Variants in ULK4 observed in about 807,000 individuals in gnomAD.
ULK4 encodes the protein unc-51 like kinase 4, also known as inactive serine/threonine-protein kinase ULK4.
Under a neutral mutation model 160.6 loss-of-function variants are expected in ULK4, and 133 were observed. The ratio of observed to expected loss-of-function variants is 0.83; its 90% CI spans 0.72 to 0.96. The LOEUF (loss-of-function observed/expected upper bound fraction) is 0.96, where lower values mean the gene tolerates loss of function less well. ULK4 is among the 40% of genes least tolerant of loss of function. The pLI is 0.00. For synonymous variants in ULK4, 534 were observed against 539.8 expected (o/e 0.99, Z 0.15); for missense variants, 1,580 against 1,499.5 (o/e 1.05, Z -0.89).
At chr3:41,581,574 T>C (rs1044457950) in intron 31 of ULK4, among the ~76,000 whole-genome samples, 2 of 152,154 alleles carry the variant, frequency 1.3e-5, no homozygotes, top group African/African-American at 2.4e-5. Flanking sequence ...AAAAAAATAA[T>C]CTCCACTGCA....
intron 18 of ULK4, among the ~76,000 whole-genome samples, chr3:41,830,835 G>A (rs9812605): frequency 0.059 from 8,966 of 151,540 alleles, 481 homozygotes; most frequent in East Asian, 0.17. Flanking sequence ...TTATTTTCTC[G>A]GGGGGTATAC....
rs1028109139 is a variant in ULK4 at position 41,603,371 on chromosome 3, G to C, written c.3120+12298C>G. ...AAACTGGGAGAGAGACAAGACAGGA[G>C]AAACAAATAACTCCACAATTATAGT... On this transcript the variant is annotated intron_variant, in intron 31 of 36. Coordinates refer to ENST00000301831, the MANE Select transcript of ULK4 (RefSeq NM_017886.4). Among the ~76,000 whole-genome samples, 13 of 152,134 alleles carry C rather than the reference G, an allele frequency of 8.5e-5. No homozygotes were observed. In the South Asian group the frequency reaches 2.1e-3, roughly 24 times the overall value.
intron 17 of ULK4, among the ~76,000 whole-genome samples, chr3:41,877,153 A>G (rs921755344): frequency 2.0e-5 from 3 of 152,196 alleles, no homozygotes; most frequent in African/African-American, 7.2e-5. Context: ...AATTATATAA[A>G]TTGCTTTTAA....
intron 34 of ULK4, among the ~76,000 whole-genome samples, chr3:41,431,539 TTCCC>T (rs902627154): frequency 2.9e-5 from 4 of 139,630 alleles, no homozygotes; most frequent in Non-Finnish European, 6.1e-5. Flanking sequence ...GGTGTTGTAA[TTCCC>T]TCCCTTTTTT....
intron 34 of ULK4, among the ~76,000 whole-genome samples, chr3:41,441,027 T>C (rs1397090180): frequency 2.6e-5 from 4 of 152,066 alleles, no homozygotes; most frequent in African/African-American, 7.2e-5. Context: ...GCAAGTAGTG[T>C]CTTTTTTCCC....
chr3:41,340,861 C>T (rs561835755), intron 35 of ULK4, among the ~76,000 whole-genome samples: 15 of 152,340 alleles, frequency 9.8e-5, no homozygotes, highest in African/African-American at 3.6e-4. Flanking sequence ...TATAAACATT[C>T]TCTGACATTC....
intron 30 of ULK4, among the ~76,000 whole-genome samples, chr3:41,642,100 C>CT (rs148784381): frequency 0.061 from 9,310 of 152,106 alleles, 962 homozygotes; most frequent in African/African-American, 0.21. Flanking sequence ...TCTCGAACCC[C>CT]TGACCTCAGG....
At chr3:41,315,060 C>T (rs972790786) in intron 35 of ULK4, among the ~76,000 whole-genome samples, 2 of 152,016 alleles carry the variant, frequency 1.3e-5, no homozygotes, top group African/African-American at 2.4e-5. Context: ...AATTAGCATA[C>T]GTCTTTTTAA....
At chr3:41,572,663 G>A (rs2088021868) in intron 31 of ULK4, among the ~76,000 whole-genome samples, 1 of 151,612 alleles carries the variant, frequency 6.6e-6, no homozygotes, top group South Asian at 2.1e-4. Flanking sequence ...CTACTGAGGA[G>A]GCTGAGGCAG....
intron 2 of ULK4, among the ~76,000 whole-genome samples, chr3:41,952,401 T>C (rs1700321586): frequency 6.6e-6 from 1 of 152,034 alleles, no homozygotes; most frequent in Non-Finnish European, 1.5e-5. Flanking sequence ...CTTACAGAAA[T>C]GGACAAAAAG....
chr3:41,753,326 G>GA lies in ULK4; in HGVS notation c.2321+1034dup, dbSNP rs903601494. On this transcript the variant is annotated intron_variant, in intron 22 of 36. Coordinates refer to ENST00000301831, the MANE Select transcript of ULK4 (RefSeq NM_017886.4). The stretch of plus-strand genomic sequence containing the variant: ...AAGCCTACTCTCTCACTGTTACCAG[G>GA]AAAAAAAAAATTGTCAACCCCTAAT... 1.1e-4 allele frequency among the ~76,000 whole-genome samples: 17 copies of GA among 149,970 alleles called. 1 individual carries two copies. The highest frequency in any genetic ancestry group is 2.2e-4 in the Non-Finnish European group (15 of 67,306).
chr3:41,405,347 T>C (rs1231876416), intron 34 of ULK4, among the ~76,000 whole-genome samples: 2 of 152,194 alleles, frequency 1.3e-5, no homozygotes, highest in Non-Finnish European at 2.9e-5. Flanking sequence ...ACGCTGTATA[T>C]GTATCATATT....
intron 35 of ULK4, among the ~76,000 whole-genome samples, chr3:41,304,072 A>G (rs557656706): frequency 3.3e-5 from 5 of 152,016 alleles, no homozygotes; most frequent in Non-Finnish European, 7.4e-5. Flanking sequence ...GGAGTTCAAG[A>G]CCAGCCATGG....
Position 41,738,137 on chromosome 3 carries a change from T to C in ULK4, c.2321+16224A>G, listed in dbSNP as rs148391555. 2.1e-3 allele frequency among the ~76,000 whole-genome samples: 313 copies of C among 152,096 alleles called. 7 individuals carry two copies. The highest frequency in any genetic ancestry group is 7.3e-3 in the African/African-American group (300 of 41,350). Reference sequence around the variant, plus strand: ...ATTTGTTCAACAGAACAGATTATACTGGAAAAAATTAAAAATAGTCTATTT... The same window carrying C: ...ATTTGTTCAACAGAACAGATTATACCGGAAAAAATTAAAAATAGTCTATTT... On this transcript the variant is annotated intron_variant, in intron 22 of 36. Transcript: ENST00000301831.
chr3:41,798,343 G>C (rs1279605166), intron 20 of ULK4, among the ~76,000 whole-genome samples: 6 of 152,142 alleles, frequency 3.9e-5, no homozygotes, highest in Non-Finnish European at 8.8e-5. Context: ...AAGTTCACTG[G>C]TATACTTTGT....
chr3:41,587,623 T>C (rs1166031151), intron 31 of ULK4, among the ~76,000 whole-genome samples: 1 of 152,214 alleles, frequency 6.6e-6, no homozygotes, highest in Non-Finnish European at 1.5e-5. Flanking sequence ...CCCAGTAGCC[T>C]TTATCTACTT....
At chr3:41,854,307 G>C (rs530123153) in intron 17 of ULK4, 1 of 152,208 alleles carries the variant, frequency 6.6e-6, no homozygotes, top group African/African-American at 2.4e-5. Context: ...CTTAATGAAG[G>C]GGACACCAGC....
At chr3:41,670,620 CAT>C (rs998394359) in intron 29 of ULK4, among the ~76,000 whole-genome samples, 1 of 151,604 alleles carries the variant, frequency 6.6e-6, no homozygotes, top group South Asian at 2.1e-4. Flanking sequence ...TACACATATA[CAT>C]ATATATACAT....
intron 34 of ULK4, among the ~76,000 whole-genome samples, chr3:41,434,877 G>A (rs2082998071): frequency 6.6e-6 from 1 of 152,270 alleles, no homozygotes; most frequent in Non-Finnish European, 1.5e-5. Flanking sequence ...AAAAAGTTTA[G>A]TACTTAGTCA....
Sources: allele counts gnomAD v4.1 joint callset (sites outside exome capture counted in the v4.1 genomes callset), GRCh38; gene constraint gnomAD v4.1.1; transcripts MANE v1.5; gene names NCBI Gene and HGNC (gene_info 2026-07-23, HGNC 2026-07-21).